Variants in ARHGAP44 observed in about 807,000 individuals in gnomAD.
ARHGAP44 encodes the protein Rho GTPase activating protein 44, also known as rho GTPase-activating protein 44.
ARHGAP44 carries 43 observed loss-of-function variants against 106.8 expected under a neutral mutation model. The observed-to-expected ratio is 0.40, with a 90% CI of 0.32 to 0.52. The LOEUF (loss-of-function observed/expected upper bound fraction) is 0.52. ARHGAP44 is among the 20% of genes least tolerant of loss of function. The pLI is 0.48. For missense variants in ARHGAP44, 866 were observed against 1,050.5 expected (o/e 0.82, Z 2.43); for synonymous variants, 439 against 410.3 (o/e 1.07, Z -0.85).
intron 3 of ARHGAP44, among the ~76,000 whole-genome samples, chr17:12,907,089 T>G (rs2037573509): frequency 6.6e-6 from 1 of 152,144 alleles, no homozygotes; most frequent in Non-Finnish European, 1.5e-5. Flanking sequence ...GTAAATGAAT[T>G]ATAAGTGGAA....
chr17:12,904,241 G>A (rs1285891403), intron 3 of ARHGAP44, among the ~76,000 whole-genome samples: 2 of 152,020 alleles, frequency 1.3e-5, no homozygotes, highest in East Asian at 3.9e-4. Context: ...CGAGTAGCTG[G>A]GATTACAGGT....
intron 1 of ARHGAP44, among the ~76,000 whole-genome samples, chr17:12,861,978 C>T (rs1017369787): frequency 6.6e-6 from 1 of 152,150 alleles, no homozygotes; most frequent in Non-Finnish European, 1.5e-5. Context: ...ACTGGACCCA[C>T]CTGGATCATC....
Position 12,949,805 on chromosome 17 carries a change from T to G in ARHGAP44, c.1055+75T>G. On this transcript the variant is annotated intron_variant, in intron 12 of 20. Transcript: ENST00000379672. The surrounding 1 kb of genome is among the most constrained non-coding windows in gnomAD (Gnocchi z 4.1). ...AGTATGTGCTGAAATTATAGAAGCA[T>G]GTAACCTATGATCTCGCAACCCCGT... The G allele has an allele frequency of 6.9e-7, 1 of 1,441,678 alleles. No individual in the cohort carries two copies. 89.3% of individuals were successfully genotyped at this position (1,441,678 alleles called of 1,614,324 possible).
intron 1 of ARHGAP44, among the ~76,000 whole-genome samples, chr17:12,872,086 A>G (rs1347542196): frequency 6.6e-6 from 1 of 152,160 alleles, no homozygotes. Flanking sequence ...GCCAAGGCCA[A>G]ATGGATTCTG....
chr17:12,990,301 G>T lies in ARHGAP44; in HGVS notation c.*130G>T. 1 of 1,262,162 alleles carries T rather than the reference G, an allele frequency of 7.9e-7. No individual in the cohort carries two copies. Among genetic ancestry groups the T allele is most frequent in the Non-Finnish European group, 1.1e-6 (1 of 932,012 alleles). 78.2% of individuals were successfully genotyped at this position (1,262,162 alleles called of 1,614,324 possible). Reference sequence around the variant, plus strand: ...TCCTGCCACTGCCAACACGAGGTTGGAATTTGGCAGAAAATTGTGATCTCC... The same window carrying T: ...TCCTGCCACTGCCAACACGAGGTTGTAATTTGGCAGAAAATTGTGATCTCC... On this transcript the variant is annotated 3_prime_UTR_variant, in exon 21 of 21. Transcript: ENST00000379672.
At chr17:12,840,072 A>C (rs1463870547) in intron 1 of ARHGAP44, among the ~76,000 whole-genome samples, 1 of 152,116 alleles carries the variant, frequency 6.6e-6, no homozygotes, top group African/African-American at 2.4e-5. Flanking sequence ...TTTGCTGTGG[A>C]TATATGTATT....
chr17:12,920,632 A>C (rs1304334865), intron 6 of ARHGAP44, among the ~76,000 whole-genome samples: 1 of 152,106 alleles, frequency 6.6e-6, no homozygotes, highest in Non-Finnish European at 1.5e-5. Context: ...GAGCAAAGGG[A>C]AGAGAAGTAG....
At chr17:12,812,374 G>C (rs1043861247) in intron 1 of ARHGAP44, among the ~76,000 whole-genome samples, 3 of 152,170 alleles carry the variant, frequency 2.0e-5, no homozygotes, top group Non-Finnish European at 2.9e-5. Flanking sequence ...AGATGGAGAT[G>C]AGGGAAAAAT....
At position 12,853,389 on chromosome 17, in the gene ARHGAP44, G is replaced by A. The variant is rs1269052288; in HGVS notation, c.54-41551G>A. Reference sequence around the variant, plus strand: ...CCGAAACGTGTCATGAAATGCCCACGTCCCAGAGCCCCTGATCTACAGAAG... The same window carrying A: ...CCGAAACGTGTCATGAAATGCCCACATCCCAGAGCCCCTGATCTACAGAAG... On this transcript the variant is annotated intron_variant, in intron 1 of 20. Transcript: ENST00000379672. 3.3e-5 allele frequency among the ~76,000 whole-genome samples: 5 copies of A among 152,280 alleles called. No individual in the cohort carries two copies. The South Asian group carries it at 8.3e-4, about 25-fold the overall frequency.
At chr17:12,836,674 A>G (rs568495832) in intron 1 of ARHGAP44, among the ~76,000 whole-genome samples, 1 of 152,098 alleles carries the variant, frequency 6.6e-6, no homozygotes, top group East Asian at 1.9e-4. Flanking sequence ...GAAAAGAAAA[A>G]AAAGAAAGAC....
chr17:12,926,868 A>G (rs1192054487), intron 6 of ARHGAP44, among the ~76,000 whole-genome samples: 1 of 152,122 alleles, frequency 6.6e-6, no homozygotes, highest in Non-Finnish European at 1.5e-5. Flanking sequence ...TGGTGGTTCT[A>G]ACTTAATTCC....
In ARHGAP44 at chr17:12,925,064, T is replaced by A. The variant is rs1214938929; in HGVS notation, c.465-3865T>A. ...GTGGAGTCTCGATGGCCATCAAAAC[T>A]CATTCCTCGTCTCTCACCCCTCCCC... On this transcript the variant is annotated intron_variant, in intron 6 of 20. Coordinates refer to ENST00000379672, the MANE Select transcript of ARHGAP44 (RefSeq NM_014859.6). 2.6e-5 allele frequency among the ~76,000 whole-genome samples: 4 copies of A among 152,094 alleles called. No homozygotes were observed. The South Asian group carries it at 8.3e-4, about 31-fold the overall frequency.
chr17:12,960,726 G>A (rs529356741), intron 16 of ARHGAP44, among the ~76,000 whole-genome samples: 1 of 152,058 alleles, frequency 6.6e-6, no homozygotes, highest in African/African-American at 2.4e-5. Flanking sequence ...ACCATGCCTG[G>A]CTAATTTTTG....
chr17:12,948,018 A>T (rs2038897910), intron 10 of ARHGAP44, among the ~76,000 whole-genome samples: 1 of 152,234 alleles, frequency 6.6e-6, no homozygotes, highest in Non-Finnish European at 1.5e-5. Flanking sequence ...AAAAGATTAA[A>T]GGAGTAAGGA....
chr17:12,912,318 C>CAGT (rs59761419), intron 4 of ARHGAP44, among the ~76,000 whole-genome samples: 110,679 of 151,662 alleles, frequency 0.73, 40,657 homozygotes, highest in East Asian at 0.98. Flanking sequence ...ATGAAATTCT[C>CAGT]AGGAGGTTGG....
At chr17:12,797,320 C>T (rs61581147) in intron 1 of ARHGAP44, among the ~76,000 whole-genome samples, 1 of 152,070 alleles carries the variant, frequency 6.6e-6, no homozygotes, top group Admixed American at 6.5e-5. Context: ...TATGACATGG[C>T]TTAGGTATAA....
At chr17:12,959,588 A>G (rs796773467) in intron 16 of ARHGAP44, among the ~76,000 whole-genome samples, 42 of 152,360 alleles carry the variant, frequency 2.8e-4, no homozygotes, top group African/African-American at 9.6e-4. Context: ...CGTAACAAGC[A>G]CAGCTGACTC....
chr17:12,824,773 C>T (rs1218714052), intron 1 of ARHGAP44, among the ~76,000 whole-genome samples: 2 of 151,820 alleles, frequency 1.3e-5, no homozygotes, highest in African/African-American at 2.4e-5. Flanking sequence ...TCGCTAGCCT[C>T]CCCTCGTACG....
intron 9 of ARHGAP44, 33 bp downstream of exon 9, chr17:12,943,702 C>CCGGG (rs1329906805): frequency 6.2e-7 from 1 of 1,605,360 alleles, no homozygotes; most frequent in Non-Finnish European, 8.5e-7. Flanking sequence ...GAAGGGAGGG[C>CCGGG]CGGGGTGCCT....
Sources: gnomAD v4.1 joint callset for allele counts (sites outside exome capture counted in the v4.1 genomes callset) on GRCh38, gnomAD v4.1.1 for gene constraint, Gnocchi (gnomAD v3.1) non-coding constraint, MANE v1.5 for transcripts, NCBI Gene and HGNC (gene_info 2026-07-23, HGNC 2026-07-21) for gene names.